Variants in DIAPH2 observed in about 807,000 individuals in gnomAD.
The protein encoded by DIAPH2 is diaphanous related formin 2.
A neutral mutation model predicts 92.7 loss-of-function variants in DIAPH2; 35 were observed. The ratio of observed to expected loss-of-function variants is 0.38; its 90% CI spans 0.29 to 0.50. DIAPH2 has a LOEUF of 0.50. DIAPH2 is among the 20% of genes least tolerant of loss of function. The pLI is 0.94. For missense variants in DIAPH2, 701 were observed against 819.5 expected (o/e 0.86, Z 1.77); for synonymous variants, 301 against 280.4 (o/e 1.07, Z -0.73).
chrX:97,224,062 C>A (rs1380493163), intron 22 of DIAPH2, among the ~76,000 whole-genome samples: 1 of 111,567 alleles, frequency 9.0e-6, no homozygotes, highest in African/African-American at 3.3e-5. Flanking sequence ...TATGCTCTTA[C>A]CCCAATTGTT....
At chrX:97,541,016 A>T (rs2071136059) in intron 26 of DIAPH2, among the ~76,000 whole-genome samples, 1 of 111,561 alleles carries the variant, frequency 9.0e-6, no homozygotes, top group Middle Eastern at 4.6e-3. Flanking sequence ...AGAGAGAAAA[A>T]ATCTGAGGAA....
At chrX:97,411,865 T>C (rs1198253760) in intron 25 of DIAPH2, among the ~76,000 whole-genome samples, 6 of 111,876 alleles carry the variant, frequency 5.4e-5, no homozygotes, top group Admixed American at 9.5e-5. Flanking sequence ...ATCCTAAATA[T>C]ATATGCACCC....
intron 26 of DIAPH2, among the ~76,000 whole-genome samples, chrX:97,471,546 G>A (rs2070562412): frequency 9.2e-6 from 1 of 109,204 alleles, no homozygotes; most frequent in African/African-American, 3.3e-5. Flanking sequence ...CAAAAAATCA[G>A]CCGGGCGTGG....
At chrX:96,806,840 A>G (rs1316332161) in intron 4 of DIAPH2, among the ~76,000 whole-genome samples, 2 of 104,761 alleles carry the variant, frequency 1.9e-5, no homozygotes, top group Admixed American at 1.0e-4. Flanking sequence ...TCCCGGGTTC[A>G]CGCCATTCTC....
In DIAPH2 at chrX:96,685,136, G is replaced by C. The variant is rs1012027658; in HGVS notation, c.78G>C (p.Arg26=). ...CCGGTGGGGGCCGGAGCAACAAGCG[G>C]AGCGCGGGGAACCGGGCCGCCAATG... ...EEPGGGRSNK[R]SAGNRAANEE... Residue 26 remains arginine (R), a synonymous_variant, in exon 1 of 27, where the codon CGG becomes CGC. Transcript: ENST00000324765. The C allele has an allele frequency of 1.6e-5, 16 of 1,014,014 alleles. No homozygotes were observed. The highest frequency in any genetic ancestry group is 2.0e-5 in the Non-Finnish European group (16 of 792,793). The allele number at this position is 1,014,014 out of a possible 1,213,427, so 83.6% of individuals were successfully genotyped here. A position where few individuals can be genotyped will look rare whatever the true frequency, so the allele number is the denominator to read the frequency against.
chrX:97,059,029 G>A (rs904721906), intron 17 of DIAPH2, among the ~76,000 whole-genome samples: 1 of 111,949 alleles, frequency 8.9e-6, no homozygotes. Context: ...TTAATGGATA[G>A]ATAAAGGTTT....
intron 9 of DIAPH2, among the ~76,000 whole-genome samples, chrX:96,926,085 C>T (rs186456528): frequency 9.0e-6 from 1 of 111,473 alleles, no homozygotes; most frequent in Admixed American, 9.6e-5. Flanking sequence ...CAATTTGTCA[C>T]AGATAATGGC....
At chrX:97,579,802 A>G (rs1177680400) in intron 26 of DIAPH2, among the ~76,000 whole-genome samples, 3 of 110,899 alleles carry the variant, frequency 2.7e-5, no homozygotes, top group East Asian at 2.8e-4. Context: ...AACCATGAGC[A>G]TGGAATGTTC....
intron 4 of DIAPH2, among the ~76,000 whole-genome samples, chrX:96,844,122 A>C (rs1464845166): frequency 1.8e-5 from 2 of 112,352 alleles, no homozygotes; most frequent in Admixed American, 9.5e-5. Flanking sequence ...GACTTCCCCA[A>C]TGCACATACT....
At chrX:97,536,466 G>A (rs1159730605) in intron 26 of DIAPH2, among the ~76,000 whole-genome samples, 1 of 112,036 alleles carries the variant, frequency 8.9e-6, no homozygotes, top group Non-Finnish European at 1.9e-5. Flanking sequence ...TCAACATTTT[G>A]ACTAGCTCTT....
intron 17 of DIAPH2, among the ~76,000 whole-genome samples, chrX:96,981,815 C>A (rs1258394591): frequency 1.8e-5 from 2 of 110,358 alleles, no homozygotes; most frequent in African/African-American, 6.8e-5. Context: ...TGTAGTATAA[C>A]TGTGCCTATG....
intron 4 of DIAPH2, among the ~76,000 whole-genome samples, chrX:96,851,388 C>T (rs754533523): frequency 3.6e-5 from 4 of 112,217 alleles, no homozygotes; most frequent in African/African-American, 1.3e-4. Flanking sequence ...CAGGCGTGAG[C>T]CACCTTGCCT....
At chrX:97,402,571 C>A (rs1328420488) in intron 25 of DIAPH2, among the ~76,000 whole-genome samples, 1 of 111,460 alleles carries the variant, frequency 9.0e-6, no homozygotes, top group Non-Finnish European at 1.9e-5. Context: ...CCCTATAAAC[C>A]CTCATGTATC....
rs2063905503 is a variant in DIAPH2 at position 96,709,444 on chromosome X, AT to A, written c.132+24255del. Reference sequence around the variant, plus strand: ...AGGTAACTGAAAGCCTAGGAAAAAAATAACAAGTCCAAAAGGATTCATATGG... The same window carrying A: ...AGGTAACTGAAAGCCTAGGAAAAAAAAACAAGTCCAAAAGGATTCATATGG... On this transcript the variant is annotated intron_variant, in intron 1 of 26. Coordinates refer to ENST00000324765, the MANE Select transcript of DIAPH2 (RefSeq NM_006729.5). Among the ~76,000 whole-genome samples, 3 of 112,127 alleles carry A rather than the reference AT, an allele frequency of 2.7e-5. No individual in the cohort carries two copies. The Admixed American group carries it at 2.8e-4, about 11-fold the overall frequency.
intron 4 of DIAPH2, among the ~76,000 whole-genome samples, chrX:96,822,204 A>G (rs749497915): frequency 2.2e-4 from 25 of 111,807 alleles, no homozygotes; most frequent in African/African-American, 7.1e-4. Flanking sequence ...TCAAATTTAC[A>G]TTAAACTCTA....
At chrX:97,021,695 A>G (rs1177326726) in intron 17 of DIAPH2, among the ~76,000 whole-genome samples, 4 of 112,093 alleles carry the variant, frequency 3.6e-5, no homozygotes, top group Admixed American at 9.5e-5. Flanking sequence ...TAAGTAGAAT[A>G]GTAATAGAAA....
intron 25 of DIAPH2, among the ~76,000 whole-genome samples, chrX:97,413,967 G>A (rs2069909853): frequency 8.9e-6 from 1 of 111,757 alleles, no homozygotes; most frequent in Non-Finnish European, 1.9e-5. Context: ...TGTGAAAATG[G>A]CCATACTGCC....
intron 21 of DIAPH2, among the ~76,000 whole-genome samples, chrX:97,131,856 C>T (rs1437241737): frequency 1.8e-5 from 2 of 112,175 alleles, no homozygotes; most frequent in Non-Finnish European, 3.8e-5. Context: ...TTCATTAATT[C>T]ATTCTGGCCT....
chrX:97,501,377 C>T (rs2070796995), intron 26 of DIAPH2, among the ~76,000 whole-genome samples: 1 of 111,781 alleles, frequency 8.9e-6, no homozygotes, highest in Non-Finnish European at 1.9e-5. Context: ...AGACAATTAG[C>T]AGGCAGTAGT....
Sources: gnomAD v4.1 joint callset for allele counts (sites outside exome capture counted in the v4.1 genomes callset) on GRCh38, gnomAD v4.1.1 for gene constraint, MANE v1.5 for transcripts, NCBI Gene and HGNC (gene_info 2026-07-23, HGNC 2026-07-21) for gene names.